Variants in PHRF1 observed in about 807,000 individuals in gnomAD.
The protein encoded by PHRF1 is PHD and RING finger domain-containing protein 1.
PHRF1 carries 53 observed loss-of-function variants against 128.9 expected under a neutral mutation model. The observed-to-expected ratio is 0.41, with a 90% CI of 0.33 to 0.52. The LOEUF (loss-of-function observed/expected upper bound fraction) is 0.52. Ranked by LOEUF, PHRF1 falls within the 20% of genes least tolerant of loss-of-function variation. PHRF1 has a pLI of 0.21. For missense variants in PHRF1, 2,503 were observed against 2,284.5 expected, an observed-to-expected ratio of 1.10 and a Z score of -1.95; for synonymous variants, 1,178 against 980.6, an observed-to-expected ratio of 1.20 and a Z score of -3.76.
In PHRF1 at chr11:610,266, G is replaced by A. The variant is rs376792320; in HGVS notation, c.4335G>A (p.Gly1445=). ...ACATGGAGGATGTGGCCCCCACAGG[G>A]GTCAGGCAGGTGTTCTCCGAGCTGC... ...AWDMEDVAPT[G]VRQVFSELPF... is the part of the protein sequence containing the mutation. Residue 1445 remains glycine, a synonymous_variant, in exon 15 of 18, where the codon GGG becomes GGA. Transcript: ENST00000264555. 236 of 1,557,004 alleles carry A rather than the reference G, an allele frequency of 1.5e-4. No individual in the cohort carries two copies. The highest frequency in any genetic ancestry group is 8.3e-4 in the Middle Eastern group (5 of 5,992).
chr11:578,189 A>G (rs995754267), intron 1 of PHRF1, among the ~76,000 whole-genome samples: 1 of 152,220 alleles, frequency 6.6e-6, no homozygotes, highest in African/African-American at 2.4e-5. Context: ...GGTGGTCCCA[A>G]ACAGGTCTTG....
intron 12 of PHRF1, 89 bp downstream of exon 12, chr11:605,813 C>G (rs1406856797): frequency 1.4e-6 from 2 of 1,471,094 alleles, no homozygotes. Context: ...TAGCCTGGCT[C>G]TCTGTGGCCC....
Position 609,662 on chromosome 11 carries a change from G to T in PHRF1, c.4206G>T (p.Arg1402=). 6.4e-7 allele frequency: 1 copy of T among 1,561,592 alleles called. No homozygotes were observed. The highest frequency in any genetic ancestry group is 8.6e-7 in the Non-Finnish European group (1 of 1,156,244). The change falls in exon 14 of 18, where the codon CGG becomes CGT. Residue 1402 remains arginine (R), a synonymous_variant. Transcript: ENST00000264555. ...PLLRSRALVK[R]VTWNLQESES... is the part of the protein sequence containing the mutation. ...TGCGGTCCAGAGCCCTGGTGAAGCG[G>T]GTCACCTGGAACCTGCAGGAGTCGG...
At position 609,713 on chromosome 11, in the gene PHRF1, A is replaced by G. The variant is rs995459404; in HGVS notation, c.4257A>G (p.Arg1419=). 1.3e-6 allele frequency: 2 copies of G among 1,488,596 alleles called. No homozygotes were observed. The highest frequency in any genetic ancestry group is 2.2e-5 in the Admixed American group (1 of 45,164). 92.2% of individuals were successfully genotyped at this position (1,488,596 alleles called of 1,614,324 possible). A position where few individuals can be genotyped will look rare whatever the true frequency, so the allele number is the denominator to read the frequency against. ...AGAGCAGCGCCCCCGCCGAGGACAG[A>G]GCCCCCCGTGAGTAGTGCCCCGGCC... ...ESESSAPAED[R]APRAPLHRPQ... is the part of the protein sequence containing the mutation. The change falls in exon 14 of 18, where the codon AGA becomes AGG. Residue 1419 remains arginine (R), a synonymous_variant. Coordinates refer to ENST00000264555, the MANE Select transcript of PHRF1 (RefSeq NM_001286581.2).
rs375161703 is a variant in PHRF1, at chr11:597,473, G to A, written c.797G>A (p.Arg266Gln). Reference sequence around the variant, plus strand: ...CCCACCACCAGCAGGCTTCGGCCTCGAGCAGGTAGGACCCGGGCGATAGCC... The same window carrying A: ...CCCACCACCAGCAGGCTTCGGCCTCAAGCAGGTAGGACCCGGGCGATAGCC... ...VVPTTSRLRP[R>Q]AGRTRAIART... The change falls in exon 8 of 18, where the codon CGA becomes CAA. Residue 266 changes from arginine (R) to glutamine (Q), a missense_variant. Physicochemically the swap from Arg to Gln is conservative, Grantham distance 43. Coordinates refer to ENST00000264555, the MANE Select transcript of PHRF1 (RefSeq NM_001286581.2). This position sits in a 1 kb window ranked among gnomAD's most constrained non-coding sequence, Gnocchi z 6.5. 7.9e-5 allele frequency: 127 copies of A among 1,612,526 alleles called. No individual in the cohort carries two copies. Among genetic ancestry groups the A allele is most frequent in the Middle Eastern group, 1.6e-4 (1 of 6,080 alleles).
rs761239790 is a variant in PHRF1 at position 608,230 on chromosome 11, G to A, written c.2774G>A (p.Ser925Asn). The change falls in exon 14 of 18, where the codon AGC becomes AAC. Residue 925 changes from serine (S) to asparagine (N), a missense_variant. Physicochemically the swap from Ser to Asn is conservative, Grantham distance 46. Transcript: ENST00000264555. ...SDTEREEPTE[S>N]QGLAARLRRP... ...ACGGAGCGAGAGGAGCCCACAGAGA[G>A]CCAGGGCCTGGCTGCCCGGCTGCGG... is the stretch of plus-strand genomic sequence containing the variant. 6.2e-7 allele frequency: 1 copy of A among 1,609,718 alleles called. No homozygotes were observed.
At chr11:585,781 C>A (rs1854515834) in intron 3 of PHRF1, among the ~76,000 whole-genome samples, 2 of 150,636 alleles carry the variant, frequency 1.3e-5, no homozygotes, top group African/African-American at 4.9e-5. Context: ...CCCAGGTTCA[C>A]GCCATTCTCC....
At position 608,959 on chromosome 11, in the gene PHRF1, C is replaced by G. The variant is rs74045052; in HGVS notation, c.3503C>G (p.Ser1168Trp). Residue 1168 changes from serine (S) to tryptophan (W), a missense_variant, in exon 14 of 18, where the codon TCG becomes TGG. Coordinates refer to ENST00000264555, the MANE Select transcript of PHRF1 (RefSeq NM_001286581.2). Reference protein sequence around the residue: ...RRKRRSRSPSSEHRAREHRRP... With the variant: ...RRKRRSRSPSWEHRAREHRRP... ...AAGCGGAGGTCCCGGTCCCCAAGCT[C>G]GGAGCACAGGGCACGGGAGCACAGG... 1.2e-6 allele frequency: 2 copies of G among 1,610,792 alleles called. No homozygotes were observed. Among genetic ancestry groups the G allele is most frequent in the Non-Finnish European group, 8.5e-7 (1 of 1,179,272 alleles).
intron 6 of PHRF1, among the ~76,000 whole-genome samples, chr11:596,163 C>T (rs956523425): frequency 2.0e-5 from 3 of 152,156 alleles, no homozygotes; most frequent in Non-Finnish European, 4.4e-5. Context: ...TGACTCCCTT[C>T]CCTTGATTGT....
At chr11:589,812 G>A (rs1687075700) in intron 4 of PHRF1, among the ~76,000 whole-genome samples, 1 of 149,788 alleles carries the variant, frequency 6.7e-6, no homozygotes, top group Admixed American at 6.6e-5. Context: ...AACGGGCACA[G>A]AGCGTGCGGG....
In PHRF1 at chr11:611,975, A is replaced by G; in HGVS notation, c.*198A>G. On this transcript the variant is annotated 3_prime_UTR_variant, in exon 18 of 18. Transcript: ENST00000264555. ...CCTGGTCTGTGCACCTGTGTTGCTC[A>G]CAGTTGAAAACTGGACACTTTTGTA... The G allele has an allele frequency of 2.6e-6, 2 of 774,020 alleles. No individual in the cohort carries two copies. The highest frequency in any genetic ancestry group is 4.0e-6 in the Non-Finnish European group (2 of 497,954). 47.9% of individuals were successfully genotyped at this position (774,020 alleles called of 1,614,324 possible). A position where few individuals can be genotyped will look rare whatever the true frequency, so the allele number is the denominator to read the frequency against.
Position 611,963 on chromosome 11 carries a change from C to T in PHRF1, c.*186C>T, listed in dbSNP as rs1183420018. 1 of 886,074 alleles carries T rather than the reference C, an allele frequency of 1.1e-6. No individual in the cohort carries two copies. The highest frequency in any genetic ancestry group is 1.7e-6 in the Non-Finnish European group (1 of 598,072). 54.9% of individuals were successfully genotyped at this position (886,074 alleles called of 1,614,324 possible). On this transcript the variant is annotated 3_prime_UTR_variant, in exon 18 of 18. Transcript: ENST00000264555. Reference sequence around the variant, plus strand: ...CCTGCGCTGACACCTGGTCTGTGCACCTGTGTTGCTCACAGTTGAAAACTG... The same window carrying T: ...CCTGCGCTGACACCTGGTCTGTGCATCTGTGTTGCTCACAGTTGAAAACTG...
chr11:593,096 C>T (rs555316316), intron 6 of PHRF1, among the ~76,000 whole-genome samples: 59 of 152,306 alleles, frequency 3.9e-4, no homozygotes, highest in African/African-American at 1.3e-3. Context: ...AGTTATGCTG[C>T]ACCTGCTGCT....
intron 4 of PHRF1, 46 bp from the exon 5 acceptor site, chr11:591,338 G>C: frequency 6.6e-7 from 1 of 1,519,568 alleles, no homozygotes; most frequent in Non-Finnish European, 9.0e-7. Context: ...TGATCTCTAA[G>C]TGAAAGTGAT....
chr11:593,406 C>T (rs957656224), intron 6 of PHRF1, among the ~76,000 whole-genome samples: 7 of 152,256 alleles, frequency 4.6e-5, no homozygotes, highest in Non-Finnish European at 8.8e-5. Flanking sequence ...ACGGAACAGC[C>T]GGAGCCAGGA....
Position 605,625 on chromosome 11 carries a change from A to G in PHRF1, c.1355A>G (p.Asn452Ser). 3 of 1,613,672 alleles carry G rather than the reference A, an allele frequency of 1.9e-6. No homozygotes were observed. Among genetic ancestry groups the G allele is most frequent in the Non-Finnish European group, 2.5e-6 (3 of 1,179,820 alleles). The change falls in exon 12 of 18, where the codon AAC becomes AGC. Residue 452 changes from asparagine (N) to serine (S), a missense_variant. Transcript: ENST00000264555. ...PFDSSEELSA[N>S]PLSPLSAKRR... ...TCTAGCAGTGAAGAGCTTTCTGCAA[A>G]CCCTCTTTCCCCTCTGAGTGCCAAG...
intron 10 of PHRF1, among the ~76,000 whole-genome samples, chr11:604,512 GTTC>G (rs1056002847): frequency 5.9e-5 from 9 of 152,096 alleles, no homozygotes; most frequent in African/African-American, 1.9e-4. Context: ...CTTTTTTGGT[GTTC>G]TTGTTTGTTT....
intron 3 of PHRF1, among the ~76,000 whole-genome samples, 167 bp downstream of exon 3, chr11:582,248 T>C (rs1440313570): frequency 2.0e-5 from 3 of 150,708 alleles, no homozygotes; most frequent in Non-Finnish European, 4.4e-5. Flanking sequence ...CTCACTTTAT[T>C]TGTAGTACTT....
At position 608,778 on chromosome 11, in the gene PHRF1, A is replaced by T; in HGVS notation, c.3322A>T (p.Lys1108Ter). 6.2e-7 allele frequency: 1 copy of T among 1,611,424 alleles called. No individual in the cohort carries two copies. The highest frequency in any genetic ancestry group is 8.5e-7 in the Non-Finnish European group (1 of 1,179,534). Residue 1108 changes from lysine (K) to a stop codon, truncating the protein, a stop_gained, in exon 14 of 18, where the codon AAG becomes TAG. Coordinates refer to ENST00000264555, the MANE Select transcript of PHRF1 (RefSeq NM_001286581.2). LOFTEE classifies it high-confidence loss of function. ...TTCCTATGAGCACTATGAGAGTAGG[A>T]AGAAGAAGAAAAGGAGATCAGCGTC... ...SSSYEHYESRKKKKRRSASRP... is the reference protein window; with the variant it reads ...SSSYEHYESR
Sources: allele counts gnomAD v4.1 joint callset (sites outside exome capture counted in the v4.1 genomes callset), GRCh38; gene constraint gnomAD v4.1.1; non-coding constraint Gnocchi (gnomAD v3.1); transcripts MANE v1.5; gene names NCBI Gene and HGNC (gene_info 2026-07-23, HGNC 2026-07-21).